The following CDH12 variants were observed in gnomAD, a reference collection of about 807,000 sequenced individuals.
CDH12 encodes cadherin 12.
A neutral mutation model predicts 74.1 loss-of-function variants in CDH12; 41 were observed. The ratio of observed to expected loss-of-function variants is 0.55; its 90% CI spans 0.43 to 0.72. CDH12 has a LOEUF of 0.72. Among genes scored for constraint, CDH12 ranks in the 30% least tolerant of loss-of-function variants. CDH12 has a pLI of 0.00. For synonymous variants in CDH12, 399 were observed against 355.0 expected (o/e 1.12, Z -1.39); for missense variants, 945 against 977.2 (o/e 0.97, Z 0.44).
intron 11 of CDH12, among the ~76,000 whole-genome samples, chr5:21,767,554 T>C (rs1304926946): frequency 6.6e-6 from 1 of 151,654 alleles, no homozygotes; most frequent in Non-Finnish European, 1.5e-5. Context: ...CCCTGATCAC[T>C]AGATATCCTA....
intron 4 of CDH12, among the ~76,000 whole-genome samples, chr5:22,082,321 G>T (rs1742793888): frequency 6.6e-6 from 1 of 152,118 alleles, no homozygotes; most frequent in African/African-American, 2.4e-5. Flanking sequence ...TATCCAAGTT[G>T]CCAGCATCAC....
chr5:22,013,877 G>A (rs184859042), intron 5 of CDH12, among the ~76,000 whole-genome samples: 244 of 152,158 alleles, frequency 1.6e-3, no homozygotes, highest in African/African-American at 5.8e-3. Flanking sequence ...AAAAAATAAT[G>A]AAGTAAGAAA....
At chr5:21,983,642 C>T (rs917139933) in intron 5 of CDH12, among the ~76,000 whole-genome samples, 3 of 152,066 alleles carry the variant, frequency 2.0e-5, no homozygotes, top group African/African-American at 7.2e-5. Flanking sequence ...ATTATTTCCA[C>T]GATTATTTCC....
At chr5:21,984,248 T>C (rs1290805690) in intron 5 of CDH12, among the ~76,000 whole-genome samples, 3 of 152,174 alleles carry the variant, frequency 2.0e-5, no homozygotes, top group Non-Finnish European at 4.4e-5. Flanking sequence ...CTAAGCACAA[T>C]GGTGTCCCAA....
At chr5:22,514,391 C>G (rs1736725426) in intron 1 of CDH12, among the ~76,000 whole-genome samples, 1 of 152,018 alleles carries the variant, frequency 6.6e-6, no homozygotes, top group Non-Finnish European at 1.5e-5. Context: ...AGCTGAAAGA[C>G]AAGCACAGGG....
chr5:22,571,723 T>A (rs1159316238), intron 1 of CDH12, among the ~76,000 whole-genome samples: 1 of 152,246 alleles, frequency 6.6e-6, no homozygotes, highest in East Asian at 1.9e-4. Flanking sequence ...TGACCTAATG[T>A]CAATGTTGTT....
At chr5:22,507,832 T>A (rs1272451428) in intron 1 of CDH12, among the ~76,000 whole-genome samples, 2 of 152,296 alleles carry the variant, frequency 1.3e-5, no homozygotes, top group Middle Eastern at 3.4e-3. Flanking sequence ...GAAATCAAGG[T>A]GTCACGGTGC....
chr5:22,050,123 C>A (rs1234871262), intron 5 of CDH12, among the ~76,000 whole-genome samples: 2 of 151,968 alleles, frequency 1.3e-5, no homozygotes, highest in Non-Finnish European at 2.9e-5. Context: ...CTCAAAAGTC[C>A]ATATTGATTT....
intron 1 of CDH12, among the ~76,000 whole-genome samples, chr5:22,805,817 C>T (rs1458804862): frequency 6.6e-6 from 1 of 152,036 alleles, no homozygotes; most frequent in African/African-American, 2.4e-5. Flanking sequence ...TAGTCCCCCA[C>T]CCCTCGACAG....
intron 1 of CDH12, among the ~76,000 whole-genome samples, chr5:22,781,443 A>G (rs1353956136): frequency 2.0e-5 from 3 of 151,970 alleles, no homozygotes; most frequent in Non-Finnish European, 4.4e-5. Flanking sequence ...CTTTCTGTCT[A>G]TTTCATTTCT....
intron 8 of CDH12, among the ~76,000 whole-genome samples, chr5:21,837,450 A>T (rs1332271891): frequency 6.7e-6 from 1 of 148,300 alleles, no homozygotes; most frequent in Non-Finnish European, 1.5e-5. Flanking sequence ...GTATCTCATA[A>T]AGTTCATCTG....
At chr5:22,144,066 T>G (rs1321913587) in intron 4 of CDH12, 2 of 152,176 alleles carry the variant, frequency 1.3e-5, no homozygotes. Context: ...TCTGTATATT[T>G]TTACCAGTAT....
chr5:21,899,290 T>C (rs1412182309), intron 6 of CDH12, among the ~76,000 whole-genome samples: 3 of 152,230 alleles, frequency 2.0e-5, no homozygotes, highest in Non-Finnish European at 4.4e-5. Context: ...TTCCTGGTTT[T>C]ATAGATCTCT....
At chr5:22,365,760 C>T (rs1448175354) in intron 3 of CDH12, among the ~76,000 whole-genome samples, 1 of 152,162 alleles carries the variant, frequency 6.6e-6, no homozygotes, top group Non-Finnish European at 1.5e-5. Flanking sequence ...AATTCTTCAA[C>T]ATCAGTATCA....
At chr5:22,710,792 A>C (rs1286957838) in intron 1 of CDH12, among the ~76,000 whole-genome samples, 1 of 152,132 alleles carries the variant, frequency 6.6e-6, no homozygotes, top group Non-Finnish European at 1.5e-5. Context: ...TTGTGGTCAG[A>C]AGAGCTGTGC....
intron 3 of CDH12, among the ~76,000 whole-genome samples, chr5:22,242,065 G>C (rs548798440): frequency 6.6e-6 from 1 of 152,148 alleles, no homozygotes; most frequent in African/African-American, 2.4e-5. Context: ...ATCTATAAAA[G>C]TAACAACACT....
chr5:22,458,966 C>A, intron 2 of CDH12, among the ~76,000 whole-genome samples: 1 of 151,944 alleles, frequency 6.6e-6, no homozygotes, highest in Admixed American at 6.6e-5. Context: ...TAAGTATATC[C>A]ATTTAATAGC....
At chr5:22,266,569 C>A (rs1736128127) in intron 3 of CDH12, among the ~76,000 whole-genome samples, 1 of 151,968 alleles carries the variant, frequency 6.6e-6, no homozygotes. Flanking sequence ...CTATATACAT[C>A]CATTTTTAGG....
At chr5:22,198,168 A>G (rs1938789273) in intron 4 of CDH12, among the ~76,000 whole-genome samples, 1 of 152,172 alleles carries the variant, frequency 6.6e-6, no homozygotes, top group Non-Finnish European at 1.5e-5. Context: ...TCTCTATGTA[A>G]TTACCATCTG....
Sources: allele counts gnomAD v4.1 joint callset (sites outside exome capture counted in the v4.1 genomes callset), GRCh38; gene constraint gnomAD v4.1.1; transcripts MANE v1.5; gene names NCBI Gene and HGNC (gene_info 2026-07-23, HGNC 2026-07-21).